The following LMBR1 variants were observed in gnomAD, a reference collection of about 807,000 sequenced individuals.
The protein encoded by LMBR1 is limb development membrane protein 1.
In LMBR1, 52 loss-of-function variants were observed where a neutral mutation model predicts 73.9. The observed-to-expected ratio is 0.70, with a 90% confidence interval of 0.56 to 0.89. The LOEUF (loss-of-function observed/expected upper bound fraction) is 0.89. Ranked by LOEUF, LMBR1 falls within the 40% of genes least tolerant of loss-of-function variation. The pLI, the probability that LMBR1 is intolerant of heterozygous loss-of-function variation, is 0.00. For missense variants in LMBR1, 539 were observed against 579.8 expected (o/e 0.93, Z 0.72); for synonymous variants, 215 against 209.4 (o/e 1.03, Z -0.23).
rs1237172095 is a variant in LMBR1 at position 156,670,696 on chromosome 7, T to C, written n.867-1409A>G. Among the ~76,000 whole-genome samples, 8 of 152,148 alleles carry C rather than the reference T, an allele frequency of 5.3e-5. No individual in the cohort carries two copies. The highest frequency in any genetic ancestry group is 1.7e-4 in the African/African-American group (7 of 41,426). ...GGGAGCGGCAGAAGGTGAGATGGCA[T>C]CTCCGTGTGTCGGGAGAGACCTAAC... On this transcript the variant is annotated intron_variant and non_coding_transcript_variant, in intron 4 of 4. Coordinates refer to the LMBR1 transcript ENST00000430825. The surrounding 1 kb of genome is among the most constrained non-coding windows in gnomAD (Gnocchi z 4.3).
intron 15 of LMBR1, among the ~76,000 whole-genome samples, chr7:156,715,607 G>A (rs1370391339): frequency 6.6e-6 from 1 of 152,124 alleles, no homozygotes; most frequent in Admixed American, 6.5e-5. Context: ...CCTAAAAAAT[G>A]AATAATCTAT....
At chr7:156,848,103 T>C (rs1048732260) in intron 1 of LMBR1, among the ~76,000 whole-genome samples, 8 of 147,790 alleles carry the variant, frequency 5.4e-5, no homozygotes, top group Non-Finnish European at 1.0e-4. Flanking sequence ...AAGACTTAAA[T>C]GTAAAACCTA....
At chr7:156,756,511 G>T in intron 8 of LMBR1, 46 bp from the exon 9 acceptor site, 1 of 888,530 alleles carries the variant, frequency 1.1e-6, no homozygotes, top group South Asian at 1.4e-5. Context: ...GTTATAAAAC[G>T]AATGCTTATG....
rs193037236 is a variant in LMBR1 at position 156,766,023 on chromosome 7, A to T, written c.424-2228T>A. ...GATGATAATCAGTGTTGGGAAATCA[A>T]TCACCATAAAATTTAGACTTCCTTT... On this transcript the variant is annotated intron_variant, in intron 5 of 16. Coordinates refer to ENST00000353442, the MANE Select transcript of LMBR1 (RefSeq NM_022458.4). Among the ~76,000 whole-genome samples the T allele has an allele frequency of 4.3e-3, 660 of 152,250 alleles. 2 individuals are homozygous for T. Among genetic ancestry groups the T allele is most frequent in the Non-Finnish European group, 7.3e-3 (499 of 68,006 alleles).
At chr7:156,696,183 A>AC (rs1438984667) in intron 15 of LMBR1, among the ~76,000 whole-genome samples, 2 of 152,232 alleles carry the variant, frequency 1.3e-5, no homozygotes, top group African/African-American at 4.8e-5. Flanking sequence ...CATCAAAAGC[A>AC]CAATCCATAA....
chr7:156,856,854 G>A (rs541501165), intron 1 of LMBR1, among the ~76,000 whole-genome samples: 1 of 152,070 alleles, frequency 6.6e-6, no homozygotes, highest in East Asian at 1.9e-4. Flanking sequence ...ACAGCCTCTA[G>A]ATAAGTGAAA....
intron 15 of LMBR1, among the ~76,000 whole-genome samples, chr7:156,701,753 C>T (rs996389152): frequency 2.6e-5 from 4 of 152,198 alleles, no homozygotes; most frequent in African/African-American, 7.2e-5. Flanking sequence ...TGTTAGACCC[C>T]ACATGCTTAG....
At chr7:156,755,435 T>C (rs1311901346) in intron 9 of LMBR1, among the ~76,000 whole-genome samples, 1 of 152,250 alleles carries the variant, frequency 6.6e-6, no homozygotes, top group Admixed American at 6.5e-5. Flanking sequence ...AGCCTCCTTA[T>C]CTGTGAAACA....
intron 4 of LMBR1, among the ~76,000 whole-genome samples, chr7:156,819,531 C>T (rs992083750): frequency 1.2e-4 from 18 of 152,160 alleles, no homozygotes; most frequent in African/African-American, 4.3e-4. Flanking sequence ...AGAACAGATG[C>T]TCCATGGGAG....
chr7:156,675,597 G>A (rs906624087), downstream of LMBR1: 34 of 920,766 alleles, frequency 3.7e-5, no homozygotes, highest in Admixed American at 1.8e-4. Context: ...AGACAGAGAC[G>A]AGGAAGGTTA....
At chr7:156,881,992 A>G (rs1371640061) in intron 1 of LMBR1, among the ~76,000 whole-genome samples, 1 of 152,226 alleles carries the variant, frequency 6.6e-6, no homozygotes, top group Non-Finnish European at 1.5e-5. Context: ...CCTAAGAATC[A>G]CCATCACAAT....
At chr7:156,686,179 T>A (rs1805971439) in intron 16 of LMBR1, among the ~76,000 whole-genome samples, 1 of 152,172 alleles carries the variant, frequency 6.6e-6, no homozygotes, top group East Asian at 1.9e-4. Context: ...TTATCTGAGT[T>A]CACGCCTAAA....
At chr7:156,707,651 T>C (rs1050437121) in intron 15 of LMBR1, among the ~76,000 whole-genome samples, 2 of 152,190 alleles carry the variant, frequency 1.3e-5, no homozygotes, top group African/African-American at 2.4e-5. Flanking sequence ...AGAAAAAGCA[T>C]GTGATAACTT....
chr7:156,678,909 A>C lies in LMBR1; in HGVS notation c.*5169T>G, dbSNP rs1393173951. 3.3e-5 allele frequency: 5 copies of C among 152,226 alleles called. No homozygotes were observed. Among genetic ancestry groups the C allele is most frequent in the Non-Finnish European group, 7.3e-5 (5 of 68,030 alleles). 9.4% of individuals were successfully genotyped at this position (152,226 alleles called of 1,614,324 possible). Reference sequence around the variant, plus strand: ...TATCAAGTCCAGAAAGAGAATTCTTAGCGAATTGTGGGACTGGAGGCATTT... The same window carrying C: ...TATCAAGTCCAGAAAGAGAATTCTTCGCGAATTGTGGGACTGGAGGCATTT... On this transcript the variant is annotated 3_prime_UTR_variant, in exon 17 of 17. Coordinates refer to ENST00000353442, the MANE Select transcript of LMBR1 (RefSeq NM_022458.4).
intron 9 of LMBR1, chr7:156,736,404 T>C (rs1445010165): frequency 5.2e-6 from 2 of 388,230 alleles, no homozygotes; most frequent in Non-Finnish European, 5.1e-6. Context: ...CTTTATTTTA[T>C]ACTTTCTATA....
At chr7:156,843,867 G>A (rs893631468) in intron 1 of LMBR1, among the ~76,000 whole-genome samples, 2 of 150,622 alleles carry the variant, frequency 1.3e-5, no homozygotes, top group African/African-American at 2.4e-5. Flanking sequence ...AAAAGATTCA[G>A]GGATTTAGTG....
chr7:156,807,366 G>A (rs1320882238), intron 4 of LMBR1, among the ~76,000 whole-genome samples: 1 of 152,146 alleles, frequency 6.6e-6, no homozygotes, highest in East Asian at 1.9e-4. Context: ...AGCTTTATTT[G>A]TGAGAATGTT....
chr7:156,862,335 C>A (rs1375131883), intron 1 of LMBR1, among the ~76,000 whole-genome samples: 2 of 152,136 alleles, frequency 1.3e-5, no homozygotes, highest in African/African-American at 4.8e-5. Context: ...GACCTACCTC[C>A]ATGATTCAAT....
intron 4 of LMBR1, among the ~76,000 whole-genome samples, chr7:156,671,652 T>A (rs1470595371): frequency 5.9e-5 from 9 of 152,208 alleles, no homozygotes; most frequent in Non-Finnish European, 1.2e-4. Context: ...AGGACGCCGA[T>A]GTTTGCGGTA....
Sources: allele counts gnomAD v4.1 joint callset (sites outside exome capture counted in the v4.1 genomes callset), GRCh38; gene constraint gnomAD v4.1.1; non-coding constraint Gnocchi (gnomAD v3.1); transcripts MANE v1.5; gene names NCBI Gene and HGNC (gene_info 2026-07-23, HGNC 2026-07-21).